SLC26A3: variants seen among roughly 807,000 people sequenced by gnomAD.
SLC26A3 encodes chloride anion exchanger.
Under a neutral mutation model 85.6 loss-of-function variants are expected in SLC26A3, and 64 were observed. The ratio of observed to expected loss-of-function variants is 0.75; its 90% CI spans 0.61 to 0.92. The LOEUF (loss-of-function observed/expected upper bound fraction) is 0.92. Among genes scored for constraint, SLC26A3 ranks in the 40% least tolerant of loss-of-function variants. SLC26A3 has a pLI of 0.00. For missense variants in SLC26A3, 922 were observed against 927.3 expected (o/e 0.99, Z 0.07); for synonymous variants, 349 against 336.0 (o/e 1.04, Z -0.42).
At chr7:107,783,413 T>C (rs918985218) in intron 8 of SLC26A3, 61 bp from the exon 9 acceptor site, 15 of 1,585,842 alleles carry the variant, frequency 9.5e-6, no homozygotes, top group African/African-American at 1.3e-5. Context: ...GATATAACCA[T>C]TGGGCAAATC....
At chr7:107,776,029 T>C (rs1251872598) in intron 15 of SLC26A3, 1 of 261,738 alleles carries the variant, frequency 3.8e-6, no homozygotes, top group Non-Finnish European at 7.4e-6. Context: ...ACTCAGTATG[T>C]ATTGTTATTC....
At chr7:107,770,038 CT>C (rs771337194) in intron 18 of SLC26A3, among the ~76,000 whole-genome samples, 1 of 76,360 alleles carries the variant, frequency 1.3e-5, no homozygotes, top group Non-Finnish European at 2.7e-5. Context: ...TTCTTTCTTT[CT>C]TTCTTTCTTT....
chr7:107,783,675 A>G (rs895478443), intron 8 of SLC26A3, among the ~76,000 whole-genome samples: 1 of 152,242 alleles, frequency 6.6e-6, no homozygotes, highest in Admixed American at 6.5e-5. Flanking sequence ...TTCCACTTGT[A>G]TTGTTACACT....
intron 1 of SLC26A3, among the ~76,000 whole-genome samples, chr7:107,802,396 C>T (rs1467207891): frequency 6.6e-6 from 1 of 152,036 alleles, no homozygotes; most frequent in Non-Finnish European, 1.5e-5. Context: ...ACCATTTTCT[C>T]CCCATCTCTC....
At chr7:107,767,977 A>G in intron 18 of SLC26A3, 69 bp from the exon 19 acceptor site, 1 of 1,455,592 alleles carries the variant, frequency 6.9e-7, no homozygotes, top group African/African-American at 1.4e-5. Context: ...CCTTGAGGCT[A>G]GTAATTTCAC....
intron 18 of SLC26A3, among the ~76,000 whole-genome samples, chr7:107,768,955 G>C (rs1210372458): frequency 6.6e-6 from 1 of 151,998 alleles, no homozygotes; most frequent in African/African-American, 2.4e-5. Context: ...TGGGAAGGAA[G>C]GTGATAATCT....
chr7:107,790,993 G>A, intron 5 of SLC26A3, 55 bp downstream of exon 5: 1 of 1,568,502 alleles, frequency 6.4e-7, no homozygotes, highest in Non-Finnish European at 8.7e-7. Flanking sequence ...AGAGAGATGT[G>A]TAACAGTCAA....
intron 5 of SLC26A3, among the ~76,000 whole-genome samples, chr7:107,790,370 G>C (rs751010889): frequency 2.0e-5 from 3 of 152,182 alleles, no homozygotes; most frequent in Non-Finnish European, 4.4e-5. Context: ...GTTCAGAAAT[G>C]TATTAGAAAT....
chr7:107,798,637 C>A (rs1229298884), intron 1 of SLC26A3, among the ~76,000 whole-genome samples: 1 of 152,188 alleles, frequency 6.6e-6, no homozygotes, highest in Non-Finnish European at 1.5e-5. Flanking sequence ...GTGCAGAACA[C>A]TTCCCAGCCC....
intron 7 of SLC26A3, 25 bp downstream of exon 7, chr7:107,787,332 A>T: frequency 1.2e-6 from 2 of 1,613,092 alleles, no homozygotes; most frequent in Non-Finnish European, 1.7e-6. Flanking sequence ...AGTAGCTATG[A>T]CAGAGTCTGA....
intron 3 of SLC26A3, among the ~76,000 whole-genome samples, chr7:107,792,543 A>G (rs569184706): frequency 6.6e-6 from 1 of 152,192 alleles, no homozygotes; most frequent in South Asian, 2.1e-4. Flanking sequence ...GTTGTCGCTG[A>G]TCTAACAGGA....
At chr7:107,773,256 C>G (rs1354824306) in intron 17 of SLC26A3, among the ~76,000 whole-genome samples, 4 of 152,110 alleles carry the variant, frequency 2.6e-5, no homozygotes, top group African/African-American at 9.7e-5. Flanking sequence ...CATTTTTTCC[C>G]AGGACCTTTC....
chr7:107,770,028 TTCTTTC>T (rs1249467098), intron 18 of SLC26A3, among the ~76,000 whole-genome samples: 5 of 46,568 alleles, frequency 1.1e-4, no homozygotes, highest in Non-Finnish European at 2.2e-4. Flanking sequence ...CTTTCTTTCT[TTCTTTC>T]TTTCTTTCTT....
At chr7:107,767,048 G>A (rs1793928346) in intron 20 of SLC26A3, among the ~76,000 whole-genome samples, 1 of 152,118 alleles carries the variant, frequency 6.6e-6, no homozygotes, top group Non-Finnish European at 1.5e-5. Context: ...AGGACTGAAT[G>A]TTCTAGAAAT....
chr7:107,776,482 A>G lies in SLC26A3; in HGVS notation c.1647T>C (p.Ile549=). ...CGATAAGTTTCCGCCTAAAGAAACCAATGTTTGCAAAGTAGATAGGAGATG... is the reference window on the plus strand; with the variant it reads ...CGATAAGTTTCCGCCTAAAGAAACCGATGTTTGCAAAGTAGATAGGAGATG... ...RCPSPIYFAN[I]GFFRRKLIDA... is the part of the protein sequence containing the mutation. Residue 549 remains isoleucine (I), a synonymous_variant, in exon 15 of 21, where the codon ATT becomes ATC. Coordinates refer to ENST00000340010, the MANE Select transcript of SLC26A3 (RefSeq NM_000111.3). 1 of 1,614,138 alleles carries G rather than the reference A, an allele frequency of 6.2e-7. No individual in the cohort carries two copies. Among genetic ancestry groups the G allele is most frequent in the African/African-American group, 1.3e-5 (1 of 75,072 alleles).
intron 17 of SLC26A3, 149 bp from the exon 18 acceptor site, chr7:107,772,257 A>G (rs1794041070): frequency 3.2e-6 from 2 of 634,246 alleles, no homozygotes; most frequent in Non-Finnish European, 2.8e-6. Context: ...AGAAGATACT[A>G]AAGTTAAAAA....
rs958335767 is a variant in SLC26A3 at position 107,801,948 on chromosome 7, C to T, written c.-89+1163G>A. On this transcript the variant is annotated intron_variant, in intron 1 of 20. Coordinates refer to ENST00000340010, the MANE Select transcript of SLC26A3 (RefSeq NM_000111.3). The stretch of plus-strand genomic sequence containing the variant: ...TACAAAAAAAAAAAAAAAAAAATGC[C>T]AGGCACAGTGGAGCGTGCCTGTAGT... 2.7e-5 allele frequency among the ~76,000 whole-genome samples: 4 copies of T among 146,770 alleles called. No individual in the cohort carries two copies. In the East Asian group the frequency reaches 7.9e-4, roughly 29 times the overall value.
chr7:107,774,752 A>G (rs371156342), intron 16 of SLC26A3, 25 bp downstream of exon 16: 2 of 1,545,272 alleles, frequency 1.3e-6, no homozygotes. Context: ...GCTATAATGC[A>G]TAGAAATGTG....
chr7:107,776,333 A>C (rs1412832386), intron 15 of SLC26A3, 119 bp downstream of exon 15: 1 of 850,310 alleles, frequency 1.2e-6, no homozygotes, highest in African/African-American at 1.7e-5. Flanking sequence ...AAATACTGAC[A>C]CAACCCCACC....
Sources: allele counts gnomAD v4.1 joint callset (sites outside exome capture counted in the v4.1 genomes callset), GRCh38; gene constraint gnomAD v4.1.1; transcripts MANE v1.5; gene names NCBI Gene and HGNC (gene_info 2026-07-23, HGNC 2026-07-21).